Variants in C8orf34 observed in about 807,000 individuals in gnomAD.
The protein encoded by C8orf34 is chromosome 8 open reading frame 34.
A neutral mutation model predicts 68.3 loss-of-function variants in C8orf34; 65 were observed. The ratio of observed to expected loss-of-function variants is 0.95; its 90% CI spans 0.78 to 1.17. The LOEUF (loss-of-function observed/expected upper bound fraction) is 1.17. C8orf34 is among the 50% of genes most tolerant of loss of function. C8orf34 has a pLI of 0.00. For synonymous variants in C8orf34, 244 were observed against 241.2 expected, an observed-to-expected ratio of 1.01 and a Z score of -0.11; for missense variants, 664 against 655.4, an observed-to-expected ratio of 1.01 and a Z score of -0.14.
At chr8:68,385,357 C>T (rs560503489) in intron 1 of C8orf34, among the ~76,000 whole-genome samples, 24 of 152,296 alleles carry the variant, frequency 1.6e-4, no homozygotes, top group African/African-American at 5.1e-4. Flanking sequence ...CCACACTATA[C>T]TTGCCAAGCT....
chr8:68,642,939 G>T (rs1819055032), intron 8 of C8orf34, among the ~76,000 whole-genome samples: 1 of 152,158 alleles, frequency 6.6e-6, no homozygotes, highest in Non-Finnish European at 1.5e-5. Context: ...TAGGGTTCAT[G>T]CCCCTGTGAG....
chr8:68,433,188 A>G (rs1201726211), intron 1 of C8orf34, among the ~76,000 whole-genome samples: 2 of 152,206 alleles, frequency 1.3e-5, no homozygotes, highest in Non-Finnish European at 2.9e-5. Flanking sequence ...AATTTTTAAT[A>G]GAGACCTGAT....
intron 8 of C8orf34, among the ~76,000 whole-genome samples, chr8:68,656,136 G>T (rs185016778): frequency 2.7e-4 from 41 of 152,214 alleles, no homozygotes; most frequent in Admixed American, 4.6e-4. Flanking sequence ...TTGCATATGA[G>T]AGATGAGATC....
At chr8:68,761,539 A>T (rs1382949779) in intron 10 of C8orf34, among the ~76,000 whole-genome samples, 2 of 152,242 alleles carry the variant, frequency 1.3e-5, no homozygotes, top group East Asian at 3.9e-4. Context: ...CTTCAGTTAA[A>T]CACAATACTC....
chr8:68,646,421 C>G (rs1312811958), intron 8 of C8orf34, among the ~76,000 whole-genome samples: 4 of 151,794 alleles, frequency 2.6e-5, no homozygotes, highest in Non-Finnish European at 4.4e-5. Context: ...ATGATTAAAT[C>G]AAGCAAGTTA....
At chr8:68,774,922 C>A (rs1347734057) in intron 10 of C8orf34, among the ~76,000 whole-genome samples, 1 of 82,716 alleles carries the variant, frequency 1.2e-5, no homozygotes, top group Non-Finnish European at 2.3e-5. Flanking sequence ...CCCTTTCCAA[C>A]ATGATGAAAC....
At position 68,818,870 on chromosome 8, in the gene C8orf34, C is replaced by G. The variant is rs1213966719; in HGVS notation, c.*624C>G. ...TCAATAAGGAATGAAATGCATGGCC[C>G]AAAACATAGAAAATGAAAATCGTTT... On this transcript the variant is annotated 3_prime_UTR_variant, in exon 14 of 14. Coordinates refer to ENST00000518698, the MANE Select transcript of C8orf34 (RefSeq NM_052958.4). 6.6e-6 allele frequency: 1 copy of G among 151,958 alleles called. No individual in the cohort carries two copies. Among genetic ancestry groups the G allele is most frequent in the Admixed American group, 6.6e-5 (1 of 15,250 alleles). The allele number at this position is 151,958 out of a possible 1,614,324, so 9.4% of individuals were successfully genotyped here. A position where few individuals can be genotyped will look rare whatever the true frequency, so the allele number is the denominator to read the frequency against.
chr8:68,616,244 C>A (rs1295887493), intron 7 of C8orf34, among the ~76,000 whole-genome samples: 2 of 152,038 alleles, frequency 1.3e-5, no homozygotes, highest in African/African-American at 4.8e-5. Flanking sequence ...AAAACCAACT[C>A]CTGGATTCAT....
chr8:68,673,610 C>T (rs1429939117), intron 8 of C8orf34, among the ~76,000 whole-genome samples: 1 of 152,154 alleles, frequency 6.6e-6, no homozygotes, highest in Non-Finnish European at 1.5e-5. Context: ...GGTGCTAGCT[C>T]ATCCACAGTA....
chr8:68,531,326 G>A (rs1815235927), intron 6 of C8orf34, among the ~76,000 whole-genome samples: 1 of 152,042 alleles, frequency 6.6e-6, no homozygotes, highest in African/African-American at 2.4e-5. Context: ...AAAAGATCAT[G>A]TGTGGAATCT....
intron 7 of C8orf34, among the ~76,000 whole-genome samples, chr8:68,587,014 AAAGTTTACAGCCCCTGTTTT>A (rs1817229478): frequency 6.6e-6 from 1 of 152,116 alleles, no homozygotes; most frequent in Admixed American, 6.6e-5. Flanking sequence ...CCCTACAGAA[AAAGTTTACAGCCCCTGTTTT>A]AGGGGCTTTA....
chr8:68,477,837 C>T (rs901675704), intron 4 of C8orf34, among the ~76,000 whole-genome samples: 2 of 152,174 alleles, frequency 1.3e-5, no homozygotes, highest in African/African-American at 4.8e-5. Context: ...TTGGGGCTTG[C>T]ACCCTCTGAA....
intron 7 of C8orf34, among the ~76,000 whole-genome samples, chr8:68,587,867 G>A (rs1358717071): frequency 2.0e-5 from 3 of 152,090 alleles, no homozygotes; most frequent in Non-Finnish European, 4.4e-5. Context: ...ATGAGACAGA[G>A]AGAGAGAATG....
At chr8:68,665,424 A>G (rs1819807535) in intron 8 of C8orf34, among the ~76,000 whole-genome samples, 1 of 152,166 alleles carries the variant, frequency 6.6e-6, no homozygotes, top group South Asian at 2.1e-4. Flanking sequence ...CTCCAGCTGC[A>G]GCTTTCCTGT....
At chr8:68,353,666 A>G (rs1806621352) in intron 1 of C8orf34, among the ~76,000 whole-genome samples, 1 of 148,308 alleles carries the variant, frequency 6.7e-6, no homozygotes, top group South Asian at 2.1e-4. Context: ...TAGTTGATCC[A>G]TATTCTTGGG....
intron 7 of C8orf34, among the ~76,000 whole-genome samples, chr8:68,595,972 A>G (rs1817536417): frequency 6.6e-6 from 1 of 151,942 alleles, no homozygotes; most frequent in Non-Finnish European, 1.5e-5. Flanking sequence ...TTTTTGCTGT[A>G]TGTTTCCAAT....
At position 68,667,238 on chromosome 8, in the gene C8orf34, C is replaced by T. The variant is rs148402255; in HGVS notation, c.1241+26727C>T. 4.7e-3 allele frequency among the ~76,000 whole-genome samples: 721 copies of T among 152,176 alleles called. 4 individuals are homozygous for T. The highest frequency in any genetic ancestry group is 0.016 in the African/African-American group (684 of 41,520). On this transcript the variant is annotated intron_variant, in intron 8 of 13. Coordinates refer to ENST00000518698, the MANE Select transcript of C8orf34 (RefSeq NM_052958.4). Reference sequence around the variant, plus strand: ...TATATTACTTAATGTTTATCAAATGCCTGTATGCTAGAAAAGTAAAGGCTT... The same window carrying T: ...TATATTACTTAATGTTTATCAAATGTCTGTATGCTAGAAAAGTAAAGGCTT...
At chr8:68,515,989 C>T (rs7822229) in intron 5 of C8orf34, among the ~76,000 whole-genome samples, 26,988 of 152,156 alleles carry the variant, frequency 0.18, 5,027 homozygotes, top group African/African-American at 0.47. Flanking sequence ...GATCAATGTG[C>T]ATAGATGTTT....
At chr8:68,370,663 T>C (rs1807521054) in intron 1 of C8orf34, among the ~76,000 whole-genome samples, 1 of 152,196 alleles carries the variant, frequency 6.6e-6, no homozygotes, top group South Asian at 2.1e-4. Context: ...TGATTTACTG[T>C]GGCATGTCAG....
Sources: allele counts gnomAD v4.1 joint callset (sites outside exome capture counted in the v4.1 genomes callset), GRCh38; gene constraint gnomAD v4.1.1; transcripts MANE v1.5; gene names NCBI Gene and HGNC (gene_info 2026-07-23, HGNC 2026-07-21).